SCOC: variants seen among roughly 807,000 people sequenced by gnomAD.
SCOC encodes the protein short coiled coil protein.
SCOC carries 7 observed loss-of-function variants against 9.9 expected under a neutral mutation model. The ratio of observed to expected loss-of-function variants is 0.71; its 90% CI spans 0.40 to 1.33. The LOEUF is 1.33. SCOC is among the 40% of genes most tolerant of loss of function. The pLI is 0.01. For missense variants in SCOC, 66 were observed against 89.7 expected, an observed-to-expected ratio of 0.74 and a Z score of 1.07; for synonymous variants, 19 against 28.2, an observed-to-expected ratio of 0.67 and a Z score of 1.03.
intron 2 of SCOC, among the ~76,000 whole-genome samples, chr4:140,356,533 C>T (rs1727237001): frequency 6.6e-6 from 1 of 152,180 alleles, no homozygotes; most frequent in South Asian, 2.1e-4. Context: ...AACAGTTCCT[C>T]CATCTTTACT....
chr4:140,286,070 A>T (rs995783983), intron 1 of SCOC, among the ~76,000 whole-genome samples: 3 of 152,088 alleles, frequency 2.0e-5, no homozygotes, highest in African/African-American at 7.2e-5. Flanking sequence ...CTGTAATTCC[A>T]GGTGCTCGGG....
chr4:140,374,013 T>C (rs1728205327), intron 1 of SCOC: 2 of 586,668 alleles, frequency 3.4e-6, no homozygotes, highest in Non-Finnish European at 6.4e-6. Flanking sequence ...CCGCAGCTCC[T>C]GGGTCGGGAG....
At chr4:140,301,465 C>A (rs951108361) in intron 1 of SCOC, among the ~76,000 whole-genome samples, 1 of 152,156 alleles carries the variant, frequency 6.6e-6, no homozygotes, top group Admixed American at 6.5e-5. Context: ...TTTTATTCAC[C>A]ATAGAGGGTC....
chr4:140,290,682 G>A (rs1010416473), intron 1 of SCOC, among the ~76,000 whole-genome samples: 5 of 152,140 alleles, frequency 3.3e-5, no homozygotes, highest in African/African-American at 7.2e-5. Context: ...GCATGGTGGC[G>A]TGTGCCTGTA....
chr4:140,292,425 G>A (rs939936044), intron 1 of SCOC, among the ~76,000 whole-genome samples: 1 of 152,232 alleles, frequency 6.6e-6, no homozygotes, highest in African/African-American at 2.4e-5. Flanking sequence ...CTGATGTCAA[G>A]TGATCCACCC....
chr4:140,350,193 G>T lies in SCOC; in HGVS notation c.70+6485G>T, dbSNP rs1280201355. On this transcript the variant is annotated intron_variant, in intron 2 of 4. Transcript: ENST00000338517. ...AGGAAGCTTTCCCTGATCTTCCCAG[G>T]CTGTGTTAGATTTCCTTTCTCCTTT... Among the ~76,000 whole-genome samples the T allele has an allele frequency of 1.3e-5, 2 of 152,056 alleles. 1 individual carries two copies. The highest frequency in any genetic ancestry group is 3.9e-4 in the East Asian group (2 of 5,182).
chr4:140,378,333 T>G (rs1728430081), intron 1 of SCOC, among the ~76,000 whole-genome samples: 1 of 151,610 alleles, frequency 6.6e-6, no homozygotes, highest in South Asian at 2.1e-4. Flanking sequence ...ATCCTTAATA[T>G]CAGAGCATTT....
upstream of SCOC, among the ~76,000 whole-genome samples, chr4:140,340,519 A>G (rs1385053756): frequency 2.0e-5 from 3 of 152,110 alleles, no homozygotes; most frequent in African/African-American, 7.2e-5. Flanking sequence ...CAACAAATAA[A>G]TTTTGGGCAA....
At chr4:140,261,556 A>T (rs1730634615) in intron 1 of SCOC, among the ~76,000 whole-genome samples, 1 of 152,200 alleles carries the variant, frequency 6.6e-6, no homozygotes, top group South Asian at 2.1e-4. Context: ...TGCATTCATG[A>T]AATATTTAGT....
chr4:140,375,927 G>T (rs1296830931), intron 1 of SCOC, among the ~76,000 whole-genome samples: 1 of 152,148 alleles, frequency 6.6e-6, no homozygotes, highest in African/African-American at 2.4e-5. Context: ...TCATTTCAGT[G>T]TTCCCACGCT....
upstream of SCOC, among the ~76,000 whole-genome samples, chr4:140,370,248 A>C (rs1289600610): frequency 6.6e-6 from 1 of 152,044 alleles, no homozygotes; most frequent in Non-Finnish European, 1.5e-5. Flanking sequence ...AATTATTTTA[A>C]ATTTGCTGAG....
chr4:140,273,639 T>A (rs1031386001), intron 1 of SCOC, among the ~76,000 whole-genome samples: 1 of 138,760 alleles, frequency 7.2e-6, no homozygotes, highest in African/African-American at 3.3e-5. Context: ...TCTGATTTGC[T>A]CTGGTGAAAA....
chr4:140,357,455 T>C (rs1727280533), intron 2 of SCOC, among the ~76,000 whole-genome samples: 1 of 152,226 alleles, frequency 6.6e-6, no homozygotes, highest in South Asian at 2.1e-4. Flanking sequence ...CTTTATCCAT[T>C]CACCCATTAC....
At chr4:140,310,842 AG>A (rs1732135974) in intron 1 of SCOC, among the ~76,000 whole-genome samples, 1 of 152,068 alleles carries the variant, frequency 6.6e-6, no homozygotes, top group African/African-American at 2.4e-5. Flanking sequence ...TGGGGTTAGG[AG>A]CCAGCTCTGC....
At chr4:140,316,110 T>C (rs1228851342) in intron 1 of SCOC, among the ~76,000 whole-genome samples, 1 of 152,162 alleles carries the variant, frequency 6.6e-6, no homozygotes, top group Non-Finnish European at 1.5e-5. Flanking sequence ...AACTCTGTTA[T>C]GATAATGTCA....
At chr4:140,278,852 G>A (rs969104679) in intron 1 of SCOC, among the ~76,000 whole-genome samples, 3 of 116,786 alleles carry the variant, frequency 2.6e-5, no homozygotes, top group East Asian at 2.4e-4. Context: ...TCACTCCCCC[G>A]TATTCACTTT....
chr4:140,345,598 GA>G (rs1726701002), intron 2 of SCOC, among the ~76,000 whole-genome samples: 1 of 152,156 alleles, frequency 6.6e-6, no homozygotes, highest in Non-Finnish European at 1.5e-5. Context: ...TTGTTTAGCA[GA>G]CATCATTCAT....
chr4:140,324,282 CA>C, intron 1 of SCOC, among the ~76,000 whole-genome samples: 1 of 152,178 alleles, frequency 6.6e-6, no homozygotes, highest in South Asian at 2.1e-4. Flanking sequence ...TTTTACCCTC[CA>C]AAACTGGGAA....
intron 1 of SCOC, among the ~76,000 whole-genome samples, chr4:140,264,767 T>A (rs1424519798): frequency 6.6e-6 from 1 of 152,208 alleles, no homozygotes; most frequent in Non-Finnish European, 1.5e-5. Context: ...TTTTAAAAAA[T>A]TTCATGAGTT....
Sources: gnomAD v4.1 joint callset for allele counts (sites outside exome capture counted in the v4.1 genomes callset) on GRCh38, gnomAD v4.1.1 for gene constraint, MANE v1.5 for transcripts, NCBI Gene and HGNC (gene_info 2026-07-23, HGNC 2026-07-21) for gene names.